The following TACC2 variants were observed in gnomAD, a reference collection of about 807,000 sequenced individuals.
TACC2 encodes transforming acidic coiled-coil-containing protein 2.
In TACC2, 137 loss-of-function variants were observed where a neutral mutation model predicts 227.3. The ratio of observed to expected loss-of-function variants is 0.60; its 90% CI spans 0.52 to 0.69. TACC2 has a LOEUF of 0.69. Ranked by LOEUF, TACC2 falls within the 30% of genes least tolerant of loss-of-function variation. The probability of loss-of-function intolerance (pLI) is 0.00; values close to 1 mark genes in which losing one functional copy is unlikely to be tolerated. For missense variants in TACC2, 3,470 were observed against 3,694.4 expected, an observed-to-expected ratio of 0.94 and a Z score of 1.57; for synonymous variants, 1,523 against 1,487.5, an observed-to-expected ratio of 1.02 and a Z score of -0.55.
chr10:122,139,358 G>C (rs375626883), intron 6 of TACC2, among the ~76,000 whole-genome samples: 1 of 152,208 alleles, frequency 6.6e-6, no homozygotes, highest in Admixed American at 6.5e-5. Flanking sequence ...GCTGGTGCTC[G>C]AATGCTGGTG....
intron 2 of TACC2, among the ~76,000 whole-genome samples, chr10:122,044,041 A>G (rs542772027): frequency 1.3e-5 from 2 of 152,328 alleles, no homozygotes; most frequent in South Asian, 2.1e-4. Context: ...AGCCCTTACT[A>G]TTCATGAGGC....
In TACC2 at chr10:122,254,272, A is replaced by G; in HGVS notation, c.*216A>G. 1 of 599,236 alleles carries G rather than the reference A, an allele frequency of 1.7e-6. No individual in the cohort carries two copies. Among genetic ancestry groups the G allele is most frequent in the Non-Finnish European group, 3.0e-6 (1 of 328,828 alleles). The allele number at this position is 599,236 out of a possible 1,614,324, so 37.1% of individuals were successfully genotyped here. The stretch of plus-strand genomic sequence containing the variant: ...GCATTTTCCTAGTATAATTCATAGC[A>G]AGTTGACCTCAGAGTTCCTGTATCA... On this transcript the variant is annotated 3_prime_UTR_variant, in exon 23 of 23. Coordinates refer to ENST00000369005, the MANE Select transcript of TACC2 (RefSeq NM_206862.4).
chr10:122,053,047 G>A (rs1297577148), intron 3 of TACC2, among the ~76,000 whole-genome samples: 2 of 152,122 alleles, frequency 1.3e-5, no homozygotes, highest in Non-Finnish European at 2.9e-5. Context: ...AAACCTATTC[G>A]GTTCTGATCC....
intron 7 of TACC2, among the ~76,000 whole-genome samples, chr10:122,191,797 C>CAA (rs1046020564): frequency 6.6e-6 from 1 of 152,172 alleles, no homozygotes; most frequent in Admixed American, 6.5e-5. Flanking sequence ...ATTTTTGTAG[C>CAA]AAATTAAATT....
At chr10:121,998,481 T>TTGTTCC (rs1420279476) in intron 1 of TACC2, among the ~76,000 whole-genome samples, 1 of 152,120 alleles carries the variant, frequency 6.6e-6, no homozygotes, top group Non-Finnish European at 1.5e-5. Flanking sequence ...AGAGGCAAAT[T>TTGTTCC]TGTTCCTGTT....
At chr10:122,028,799 T>TCC (rs1958456741) in intron 2 of TACC2, among the ~76,000 whole-genome samples, 2 of 41,892 alleles carry the variant, frequency 4.8e-5, no homozygotes, top group African/African-American at 2.2e-4. Context: ...TCCCCTCCCC[T>TCC]CCTCTCCCCT....
rs780294751 is a variant in TACC2 at position 122,086,032 on chromosome 10, C to T, written c.3532C>T (p.Arg1178Cys). 1.4e-5 allele frequency: 23 copies of T among 1,613,970 alleles called. No homozygotes were observed. The highest frequency in any genetic ancestry group is 1.6e-5 in the Non-Finnish European group (19 of 1,180,032). Residue 1178 changes from arginine to cysteine, a missense_variant, in exon 4 of 23, where the codon CGT becomes TGT. Arg to Cys is a radical substitution (Grantham distance 180). Around this residue, in one of 10 missense-constraint regions of TACC2, gnomAD observed 1,924 missense variants for 1,978.3 expected, o/e 0.97. Transcript: ENST00000369005. Reference protein sequence around the residue: ...SGEEASTSALRESCQAEHPMA... With the variant: ...SGEEASTSALCESCQAEHPMA... ...GGAGGAAGCTTCTACCTCTGCCCTACGTGAGTCCTGCCAAGCTGAGCACCC... is the reference window on the plus strand; with the variant it reads ...GGAGGAAGCTTCTACCTCTGCCCTATGTGAGTCCTGCCAAGCTGAGCACCC...
intron 3 of TACC2, among the ~76,000 whole-genome samples, chr10:122,078,000 G>A (rs1020884788): frequency 2.0e-5 from 3 of 152,000 alleles, no homozygotes; most frequent in African/African-American, 7.2e-5. Flanking sequence ...TTAGAGACCA[G>A]CCTGGCCAAT....
intron 1 of TACC2, among the ~76,000 whole-genome samples, chr10:122,015,788 G>A (rs1217609003): frequency 6.6e-6 from 1 of 151,630 alleles, no homozygotes; most frequent in East Asian, 2.0e-4. Context: ...GGAGGGGGAG[G>A]TTGCAGTGAG....
chr10:122,234,579 A>G (rs2095821200), intron 16 of TACC2, among the ~76,000 whole-genome samples: 1 of 152,262 alleles, frequency 6.6e-6, no homozygotes, highest in Non-Finnish European at 1.5e-5. Flanking sequence ...TTTCATCAAC[A>G]TGCAGATACT....
At chr10:122,239,479 A>G (rs1162610022) in intron 18 of TACC2, among the ~76,000 whole-genome samples, 3 of 152,250 alleles carry the variant, frequency 2.0e-5, no homozygotes, top group Non-Finnish European at 4.4e-5. Context: ...ACCTCTGGAC[A>G]TTGAGCCTAG....
intron 1 of TACC2, among the ~76,000 whole-genome samples, chr10:122,000,220 A>T (rs377073642): frequency 6.6e-6 from 1 of 152,210 alleles, no homozygotes; most frequent in African/African-American, 2.4e-5. Context: ...TCTACTAAAA[A>T]TACAAAAAAT....
chr10:122,217,695 C>T (rs972965328), intron 11 of TACC2, among the ~76,000 whole-genome samples: 1 of 152,068 alleles, frequency 6.6e-6, no homozygotes, highest in Non-Finnish European at 1.5e-5. Flanking sequence ...CTGCCTTGGC[C>T]TCCCAAAGTG....
chr10:122,181,796 G>A (rs962008723), intron 7 of TACC2, among the ~76,000 whole-genome samples: 1 of 152,176 alleles, frequency 6.6e-6, no homozygotes, highest in Non-Finnish European at 1.5e-5. Flanking sequence ...TGAAAACATC[G>A]GAAGCAGGAA....
chr10:122,162,528 G>A (rs747380072), intron 7 of TACC2, among the ~76,000 whole-genome samples: 1 of 152,186 alleles, frequency 6.6e-6, no homozygotes, highest in Non-Finnish European at 1.5e-5. Flanking sequence ...CGCAGGAAGC[G>A]GTTGTGTTGA....
intron 11 of TACC2, among the ~76,000 whole-genome samples, chr10:122,223,278 C>T (rs538423408): frequency 2.0e-4 from 31 of 152,036 alleles, no homozygotes; most frequent in African/African-American, 4.1e-4. Flanking sequence ...TCAAATGATC[C>T]GCCAGCCTCA....
At chr10:122,118,542 C>T (rs1592216994) in intron 5 of TACC2, among the ~76,000 whole-genome samples, 1 of 152,154 alleles carries the variant, frequency 6.6e-6, no homozygotes, top group East Asian at 1.9e-4. Context: ...GTTAATGAAT[C>T]GTCTCCTCTC....
chr10:122,158,923 A>T lies in TACC2; in HGVS notation c.5834+15217A>T, dbSNP rs56136182. On this transcript the variant is annotated intron_variant, in intron 7 of 22. Transcript: ENST00000369005. The stretch of plus-strand genomic sequence containing the variant: ...CTGAGGTCTCGTGCGGCATGTGTTT[A>T]TGGGGCTCTGGCTGTGCTTGGGGCA... Among the ~76,000 whole-genome samples the T allele has an allele frequency of 6.3e-3, 956 of 152,268 alleles. 5 individuals carry two copies. Among genetic ancestry groups the T allele is most frequent in the Non-Finnish European group, 0.011 (731 of 68,030 alleles).
intron 7 of TACC2, among the ~76,000 whole-genome samples, chr10:122,145,551 T>G (rs1047613412): frequency 1.4e-4 from 21 of 152,126 alleles, no homozygotes; most frequent in African/African-American, 4.6e-4. Flanking sequence ...GAGATCTTTG[T>G]GGGGGGTGAT....
Sources: gnomAD v4.1 joint callset for allele counts (sites outside exome capture counted in the v4.1 genomes callset) on GRCh38, gnomAD v4.1.1 for gene constraint, gnomAD v4.1.1 regional missense constraint, MANE v1.5 for transcripts, NCBI Gene and HGNC (gene_info 2026-07-23, HGNC 2026-07-21) for gene names.